The following TCF4 variants were observed in gnomAD, a reference collection of about 807,000 sequenced individuals.
TCF4 encodes the protein SL3-3 enhancer factor 2.
In TCF4, 3 loss-of-function variants were observed where a neutral mutation model predicts 82.1. The ratio of observed to expected loss-of-function variants is 0.04; its 90% CI spans 0.02 to 0.09. The LOEUF is 0.09. Ranked by LOEUF, TCF4 falls within the 10% of genes least tolerant of loss-of-function variation. The pLI, the probability that TCF4 is intolerant of heterozygous loss-of-function variation, is 1.00. For synonymous variants in TCF4, 276 were observed against 309.6 expected (o/e 0.89, Z 1.14); for missense variants, 518 against 852.7 (o/e 0.61, Z 4.89).
At chr18:55,393,320 C>T (rs984183006) in intron 6 of TCF4, among the ~76,000 whole-genome samples, 1 of 152,078 alleles carries the variant, frequency 6.6e-6, no homozygotes, top group African/African-American at 2.4e-5. Flanking sequence ...GCTATGACTG[C>T]ACCACTGCAC....
At chr18:55,251,155 T>C (rs1425481121) in intron 15 of TCF4, among the ~76,000 whole-genome samples, 1 of 152,116 alleles carries the variant, frequency 6.6e-6, no homozygotes, top group Non-Finnish European at 1.5e-5. Context: ...TTTCGGTAAA[T>C]GGTAATAGGC....
chr18:55,325,186 T>A (rs1486586085), intron 8 of TCF4, among the ~76,000 whole-genome samples: 1 of 152,164 alleles, frequency 6.6e-6, no homozygotes, highest in Admixed American at 6.5e-5. Context: ...TATTCAACCA[T>A]TTCATGAACA....
At chr18:55,575,585 T>C (rs2097522008) in intron 3 of TCF4, among the ~76,000 whole-genome samples, 1 of 152,070 alleles carries the variant, frequency 6.6e-6, no homozygotes, top group Admixed American at 6.5e-5. Context: ...AATTTTTTTT[T>C]TTACTCTATA....
intron 5 of TCF4, among the ~76,000 whole-genome samples, chr18:55,459,579 G>A (rs928378544): frequency 6.6e-6 from 1 of 152,144 alleles, no homozygotes; most frequent in African/African-American, 2.4e-5. Flanking sequence ...AAGTGGTTGT[G>A]TGGAGATGAA....
chr18:55,589,692 ATCC>A (rs915785227), upstream of TCF4: 13 of 1,033,740 alleles, frequency 1.3e-5, no homozygotes, highest in East Asian at 6.0e-5. Flanking sequence ...CATCATCATC[ATCC>A]TCCTCCTCAT....
chr18:55,607,892 C>T (rs937146707), intron 2 of TCF4, among the ~76,000 whole-genome samples: 20 of 152,162 alleles, frequency 1.3e-4, no homozygotes, highest in Admixed American at 1.3e-3. Flanking sequence ...TGTGTTTATG[C>T]TTCAGTTACA....
At chr18:55,622,550 T>A (rs2097722457) in intron 2 of TCF4, among the ~76,000 whole-genome samples, 1 of 150,558 alleles carries the variant, frequency 6.6e-6, no homozygotes, top group South Asian at 2.1e-4. Flanking sequence ...TAGTTTATCA[T>A]AATAGTGATA....
In TCF4 at chr18:55,359,995, G is replaced by A. The variant is rs1348048; in HGVS notation, c.370-8992C>T. Among the ~76,000 whole-genome samples, 7 of 152,222 alleles carry A rather than the reference G, an allele frequency of 4.6e-5. No individual in the cohort carries two copies. In the South Asian group the frequency reaches 1.2e-3, roughly 27 times the overall value. Reference sequence around the variant, plus strand: ...GGTTCATCATTCACCCAAAGGGCCCGGTTCTAAAAAGAATTTGGAACAGGT... The same window carrying A: ...GGTTCATCATTCACCCAAAGGGCCCAGTTCTAAAAAGAATTTGGAACAGGT... On this transcript the variant is annotated intron_variant, in intron 6 of 19. Transcript: ENST00000354452.
chr18:55,269,594 C>T (rs1171835576), intron 11 of TCF4: 6 of 549,156 alleles, frequency 1.1e-5, no homozygotes, highest in Non-Finnish European at 1.6e-5. Context: ...AACCCTTGTT[C>T]AATCTAATGA....
chr18:55,335,574 C>T (rs1372870341), intron 8 of TCF4, among the ~76,000 whole-genome samples: 1 of 152,166 alleles, frequency 6.6e-6, no homozygotes, highest in African/African-American at 2.4e-5. Flanking sequence ...GTGAAACATA[C>T]AGAACCGGTC....
intron 5 of TCF4, among the ~76,000 whole-genome samples, chr18:55,434,056 G>A (rs1465180370): frequency 6.6e-6 from 1 of 152,106 alleles, no homozygotes; most frequent in Non-Finnish European, 1.5e-5. Context: ...TCAAATGCTT[G>A]TCATACACAA....
intron 3 of TCF4, among the ~76,000 whole-genome samples, chr18:55,511,709 A>T (rs1024701514): frequency 2.6e-5 from 4 of 152,252 alleles, no homozygotes; most frequent in African/African-American, 9.6e-5. Flanking sequence ...CCTAAACTAA[A>T]TTATTCCTGA....
intron 8 of TCF4, among the ~76,000 whole-genome samples, chr18:55,343,852 GCA>G (rs548342280): frequency 1.4e-3 from 199 of 141,932 alleles, no homozygotes; most frequent in Admixed American, 2.2e-3. Context: ...ACACATGGGT[GCA>G]CACACACACG....
intron 5 of TCF4, among the ~76,000 whole-genome samples, chr18:55,458,769 A>T (rs1033922095): frequency 2.0e-5 from 3 of 152,194 alleles, no homozygotes; most frequent in Non-Finnish European, 2.9e-5. Context: ...TCTCTTAAAA[A>T]AATTATTCTT....
At chr18:55,350,804 T>A in intron 7 of TCF4, 70 bp downstream of exon 7, 1 of 1,606,434 alleles carries the variant, frequency 6.2e-7, no homozygotes, top group Admixed American at 1.7e-5. Flanking sequence ...GGGCGATATT[T>A]TAAAGAAAGA....
chr18:55,580,621 A>G (rs1436522049), intron 3 of TCF4, among the ~76,000 whole-genome samples: 1 of 152,036 alleles, frequency 6.6e-6, no homozygotes, highest in African/African-American at 2.4e-5. Context: ...GGTTGACATC[A>G]TTACAACATT....
intron 3 of TCF4, among the ~76,000 whole-genome samples, chr18:55,579,295 G>T (rs1471319077): frequency 6.6e-6 from 1 of 151,610 alleles, no homozygotes; most frequent in Non-Finnish European, 1.5e-5. Context: ...AATAAACCTG[G>T]TGGTCAGTTG....
chr18:55,262,876 G>A (rs1439473091), intron 11 of TCF4, among the ~76,000 whole-genome samples: 8 of 152,054 alleles, frequency 5.3e-5, no homozygotes, highest in Admixed American at 2.6e-4. Flanking sequence ...GCACAATCTC[G>A]GCTCACTGCA....
intron 3 of TCF4, among the ~76,000 whole-genome samples, chr18:55,485,347 A>G (rs1454106986): frequency 1.3e-5 from 2 of 152,218 alleles, no homozygotes; most frequent in Non-Finnish European, 1.5e-5. Flanking sequence ...CCAGCACCCC[A>G]GTAGGTTTAT....
Sources: gnomAD v4.1 joint callset for allele counts (sites outside exome capture counted in the v4.1 genomes callset) on GRCh38, gnomAD v4.1.1 for gene constraint, MANE v1.5 for transcripts, NCBI Gene and HGNC (gene_info 2026-07-23, HGNC 2026-07-21) for gene names.